The following THRB variants were observed in gnomAD, a reference collection of about 807,000 sequenced individuals.
THRB encodes thyroid hormone receptor beta.
Under a neutral mutation model 47.8 loss-of-function variants are expected in THRB, and 12 were observed. The observed-to-expected ratio is 0.25, with a 90% CI of 0.16 to 0.41. The LOEUF is 0.41. Ranked by LOEUF, THRB falls within the 10% of genes least tolerant of loss-of-function variation. THRB has a pLI of 1.00. For missense variants in THRB, 348 were observed against 589.2 expected (o/e 0.59, Z 4.24); for synonymous variants, 218 against 212.2 (o/e 1.03, Z -0.24).
chr3:24,356,990 T>C (rs1053098504), intron 1 of THRB, among the ~76,000 whole-genome samples: 16 of 151,398 alleles, frequency 1.1e-4, no homozygotes, highest in Non-Finnish European at 1.8e-4. Context: ...TTTGGCAATA[T>C]ATACAGACTT....
chr3:24,415,188 T>C (rs983881504), intron 1 of THRB, among the ~76,000 whole-genome samples: 2 of 151,894 alleles, frequency 1.3e-5, no homozygotes, highest in Non-Finnish European at 2.9e-5. Context: ...TGCAACTTGC[T>C]GCATGTACAG....
intron 2 of THRB, among the ~76,000 whole-genome samples, chr3:24,311,188 A>C (rs1189772919): frequency 6.6e-6 from 1 of 152,204 alleles, no homozygotes; most frequent in Non-Finnish European, 1.5e-5. Flanking sequence ...TTATTCCTCA[A>C]GGGGCCACAA....
At chr3:24,448,741 A>G (rs1354801000) in intron 1 of THRB, among the ~76,000 whole-genome samples, 1 of 152,206 alleles carries the variant, frequency 6.6e-6, no homozygotes, top group African/African-American at 2.4e-5. Context: ...TGTACATTAA[A>G]TGTTCAAGAG....
At chr3:24,191,054 C>G (rs1460477004) in intron 4 of THRB, among the ~76,000 whole-genome samples, 1 of 151,752 alleles carries the variant, frequency 6.6e-6, no homozygotes, top group Non-Finnish European at 1.5e-5. Context: ...TGGAGTACAG[C>G]TGGTTAATTA....
chr3:24,139,166 T>G (rs1414187175), intron 8 of THRB, among the ~76,000 whole-genome samples: 3 of 152,152 alleles, frequency 2.0e-5, no homozygotes, highest in Non-Finnish European at 4.4e-5. Flanking sequence ...GCCTCAGAGA[T>G]TTGAGTAGAT....
intron 4 of THRB, among the ~76,000 whole-genome samples, chr3:24,210,243 G>A (rs1348672582): frequency 6.6e-6 from 1 of 152,124 alleles, no homozygotes; most frequent in Admixed American, 6.5e-5. Flanking sequence ...TTGAAAAGAT[G>A]GGGAGGGTGG....
chr3:24,423,026 C>T (rs1305536684), intron 1 of THRB, among the ~76,000 whole-genome samples: 2 of 151,848 alleles, frequency 1.3e-5, no homozygotes, highest in African/African-American at 2.4e-5. Flanking sequence ...TAACCTAAAA[C>T]CACCAAGCTG....
At chr3:24,373,474 A>G (rs2065058823) in intron 1 of THRB, among the ~76,000 whole-genome samples, 1 of 152,014 alleles carries the variant, frequency 6.6e-6, no homozygotes, top group South Asian at 2.1e-4. Flanking sequence ...GCCAGCCATG[A>G]CTTCTGGCTG....
At chr3:24,215,638 T>C (rs1182116944) in intron 4 of THRB, among the ~76,000 whole-genome samples, 2 of 152,218 alleles carry the variant, frequency 1.3e-5, no homozygotes, top group Non-Finnish European at 1.5e-5. Flanking sequence ...TAGCCCTTTA[T>C]GACACAGACT....
intron 5 of THRB, among the ~76,000 whole-genome samples, chr3:24,161,183 G>A (rs1231439140): frequency 1.3e-5 from 2 of 152,288 alleles, no homozygotes; most frequent in African/African-American, 2.4e-5. Context: ...TAAAAGTTGT[G>A]GTATTGTTTT....
At chr3:24,327,596 CA>C (rs995770495) in intron 2 of THRB, among the ~76,000 whole-genome samples, 1 of 152,170 alleles carries the variant, frequency 6.6e-6, no homozygotes, top group African/African-American at 2.4e-5. Context: ...ATAAAACAGA[CA>C]AAGGTTCCTG....
At position 24,395,342 on chromosome 3, in the gene THRB, A is replaced by T. The variant is rs898254342; in HGVS notation, c.-260-57971T>A. On this transcript the variant is annotated intron_variant, in intron 1 of 10. Coordinates refer to ENST00000646209, the MANE Select transcript of THRB (RefSeq NM_001354712.2). ...AAAGTGAAAAGACAACCCACAGAAG[A>T]GAAGAATATATTTGAAAATCATATA... Among the ~76,000 whole-genome samples, 69 of 152,248 alleles carry T rather than the reference A, an allele frequency of 4.5e-4. 1 individual carries two copies. Among genetic ancestry groups the T allele is most frequent in the African/African-American group, 1.7e-3 (69 of 41,576 alleles).
Position 24,264,078 on chromosome 3 carries a change from C to T in THRB, c.-43+33148G>A, listed in dbSNP as rs550419861. ...TCCCTGGGCACCAAACCCTGCAATG[C>T]TTTCCTGTCACACTCAGGGTAAAAA... On this transcript the variant is annotated intron_variant, in intron 3 of 10. Transcript: ENST00000646209. Among the ~76,000 whole-genome samples the T allele has an allele frequency of 1.7e-4, 26 of 152,302 alleles. No homozygotes were observed. The East Asian group carries it at 3.7e-3, about 21-fold the overall frequency.
At chr3:24,141,278 C>T (rs953938198) in intron 8 of THRB, among the ~76,000 whole-genome samples, 5 of 152,172 alleles carry the variant, frequency 3.3e-5, no homozygotes, top group African/African-American at 1.2e-4. Context: ...CAGTGCAGAC[C>T]TCAAGACTGG....
At chr3:24,322,349 G>A (rs1357954317) in intron 2 of THRB, among the ~76,000 whole-genome samples, 1 of 152,094 alleles carries the variant, frequency 6.6e-6, no homozygotes, top group African/African-American at 2.4e-5. Context: ...AAACAGTAAC[G>A]GTTTTAAAGT....
At chr3:24,240,619 G>A (rs554347232) in intron 3 of THRB, among the ~76,000 whole-genome samples, 1 of 152,270 alleles carries the variant, frequency 6.6e-6, no homozygotes, top group African/African-American at 2.4e-5. Flanking sequence ...TTCCAATTCT[G>A]TGCTGCTTCT....
intron 1 of THRB, among the ~76,000 whole-genome samples, chr3:24,385,411 A>G (rs2149895977): frequency 6.6e-6 from 1 of 150,580 alleles, no homozygotes; most frequent in East Asian, 2.0e-4. Context: ...TCACACACAC[A>G]TACACACACA....
chr3:24,165,435 C>A, intron 5 of THRB: 1 of 688,190 alleles, frequency 1.5e-6, no homozygotes, highest in Non-Finnish European at 2.6e-6. Flanking sequence ...ACCCTGAGAG[C>A]TGGGCATATA....
chr3:24,142,308 A>G (rs1001883483), intron 8 of THRB, among the ~76,000 whole-genome samples: 5 of 152,246 alleles, frequency 3.3e-5, no homozygotes, highest in African/African-American at 1.2e-4. Context: ...GGTAAAGGCC[A>G]TCTAGGTATT....
Sources: allele counts gnomAD v4.1 joint callset (sites outside exome capture counted in the v4.1 genomes callset), GRCh38; gene constraint gnomAD v4.1.1; transcripts MANE v1.5; gene names NCBI Gene and HGNC (gene_info 2026-07-23, HGNC 2026-07-21).